Variants in CDC5L observed in about 807,000 individuals in gnomAD.
CDC5L encodes cell division cycle 5 like, also known as cell division cycle 5-like protein.
In CDC5L, 18 loss-of-function variants were observed where a neutral mutation model predicts 104.1. The ratio of observed to expected loss-of-function variants is 0.17; its 90% CI spans 0.12 to 0.26. The LOEUF is 0.26. Among genes scored for constraint, CDC5L ranks in the 10% least tolerant of loss-of-function variants. The pLI, the probability that CDC5L is intolerant of heterozygous loss-of-function variation, is 1.00. For missense variants in CDC5L, 673 were observed against 956.9 expected (o/e 0.70, Z 3.91); for synonymous variants, 331 against 322.7 (o/e 1.03, Z -0.28).
chr6:44,422,723 G>C lies in CDC5L; in HGVS notation c.1318G>C (p.Gly440Arg), dbSNP rs750389359. The change falls in exon 10 of 16, where the codon GGT (glycine) becomes CGT (arginine). Residue 440 changes from glycine to arginine, a missense_variant. Physicochemically the swap from Gly to Arg is moderately radical, Grantham distance 125. This residue lies in a region of CDC5L where 578 missense variants were observed against 737.0 expected (regional missense o/e 0.78). Coordinates refer to ENST00000371477, the MANE Select transcript of CDC5L (RefSeq NM_001253.4). The part of the protein sequence containing the change: ...TPKPVINSTP[G>R]RTPLRDKLNI... The stretch of plus-strand genomic sequence containing the variant: ...CAAACCAGTTATTAACTCTACTCCG[G>C]GTAGAACTCCTCTTCGAGACAAGTT... 1.2e-6 allele frequency: 2 copies of C among 1,612,478 alleles called. No individual in the cohort carries two copies. The highest frequency in any genetic ancestry group is 2.7e-5 in the African/African-American group (2 of 74,954).
chr6:44,426,045 A>G (rs1792402021), intron 11 of CDC5L, 58 bp from the exon 12 acceptor site: 1 of 1,170,624 alleles, frequency 8.5e-7, no homozygotes, highest in Non-Finnish European at 1.2e-6. Flanking sequence ...TTTTAGCTTT[A>G]CTGAGAGATA....
chr6:44,424,307 A>T, intron 10 of CDC5L, 112 bp from the exon 11 acceptor site: 1 of 875,126 alleles, frequency 1.1e-6, no homozygotes, highest in South Asian at 1.8e-5. Context: ...TAAAATGTAC[A>T]GTTATTTTGA....
Position 44,390,265 on chromosome 6 carries a change from T to A in CDC5L, c.46-3T>A, listed in dbSNP as rs761654057. ...GAATGTACTCTTTGGCAATTTTTTTTAGGATGAAATTCTGAAAGCAGCGGT... is the reference window on the plus strand; with the variant it reads ...GAATGTACTCTTTGGCAATTTTTTTAAGGATGAAATTCTGAAAGCAGCGGT... On this transcript the variant is annotated splice_polypyrimidine_tract_variant and splice_region_variant and intron_variant, in intron 1 of 15. Coordinates refer to ENST00000371477, the MANE Select transcript of CDC5L (RefSeq NM_001253.4). The A allele has an allele frequency of 9.3e-6, 15 of 1,606,318 alleles. No homozygotes were observed. The highest frequency in any genetic ancestry group is 1.6e-4 in the Middle Eastern group (1 of 6,068).
intron 8 of CDC5L, among the ~76,000 whole-genome samples, chr6:44,408,863 C>T (rs1240513764): frequency 1.3e-5 from 2 of 152,048 alleles, no homozygotes; most frequent in Non-Finnish European, 2.9e-5. Flanking sequence ...TGAAGCCAGC[C>T]CTTCTACCTT....
chr6:44,416,085 T>A (rs573422744), intron 8 of CDC5L, among the ~76,000 whole-genome samples: 1 of 152,204 alleles, frequency 6.6e-6, no homozygotes, highest in East Asian at 1.9e-4. Context: ...GGAGTTTTGC[T>A]TCTGTCTCTT....
At chr6:44,411,167 T>G (rs1791606281) in intron 8 of CDC5L, among the ~76,000 whole-genome samples, 1 of 152,138 alleles carries the variant, frequency 6.6e-6, no homozygotes, top group Non-Finnish European at 1.5e-5. Context: ...AAATGTCCGG[T>G]GCTCTTTGCC....
rs1431666781 is a variant in CDC5L, at chr6:44,449,728, CA to C, written c.*3018del. 3.3e-5 allele frequency: 5 copies of C among 152,202 alleles called. No homozygotes were observed. The highest frequency in any genetic ancestry group is 7.3e-5 in the Non-Finnish European group (5 of 68,036). The allele number at this position is 152,202 out of a possible 1,614,324, so 9.4% of individuals were successfully genotyped here. On this transcript the variant is annotated 3_prime_UTR_variant, in exon 16 of 16. Coordinates refer to ENST00000371477, the MANE Select transcript of CDC5L (RefSeq NM_001253.4). ...AAAAAACGACATCAAAGAAAAACTACACTACAGTGACTGCAGACTTAATGTT... is the reference window on the plus strand; with the variant it reads ...AAAAAACGACATCAAAGAAAAACTACCTACAGTGACTGCAGACTTAATGTT...
chr6:44,390,342 A>G lies in CDC5L; in HGVS notation c.120A>G (p.Arg40=), dbSNP rs781411018. ...QWSRIASLLH[R]KSAKQCKARW... ...CTAGGATTGCCTCATTGCTGCATAG[A>G]AAATCAGCAAAGCAGTGCAAAGCCA... The change falls in exon 2 of 16, where the codon AGA becomes AGG. Residue 40 remains arginine (R), a synonymous_variant. Coordinates refer to ENST00000371477, the MANE Select transcript of CDC5L (RefSeq NM_001253.4). 2.5e-5 allele frequency: 40 copies of G among 1,611,760 alleles called. No homozygotes were observed. Among genetic ancestry groups the G allele is most frequent in the Non-Finnish European group, 2.4e-5 (28 of 1,178,208 alleles).
chr6:44,387,894 C>T (rs1790401067), intron 1 of CDC5L, 26 bp downstream of exon 1: 2 of 1,550,348 alleles, frequency 1.3e-6, no homozygotes, highest in East Asian at 2.4e-5. Flanking sequence ...CCGCCGTCCG[C>T]TGCCCGCCGC....
chr6:44,403,780 T>C (rs1010032583), intron 5 of CDC5L, 29 bp from the exon 6 acceptor site: 1 of 1,510,752 alleles, frequency 6.6e-7, no homozygotes, highest in Non-Finnish European at 9.1e-7. Flanking sequence ...TGGCATATGA[T>C]TTTCAAAGTG....
chr6:44,403,820 C>G lies in CDC5L; in HGVS notation c.551C>G (p.Ala184Gly). 1 of 1,605,734 alleles carries G rather than the reference C, an allele frequency of 6.2e-7. No homozygotes were observed. The change falls in exon 6 of 16, where the codon GCC becomes GGC. Residue 184 changes from alanine to glycine, a missense_variant. By Grantham distance (60) the Ala-to-Gly change is moderately conservative. Around this residue, in one of 4 missense-constraint regions of CDC5L, gnomAD observed 578 missense variants for 737.0 expected, o/e 0.78. Coordinates refer to ENST00000371477, the MANE Select transcript of CDC5L (RefSeq NM_001253.4). ...TGCATTCTTTTCAGACGTCTTGCTG[C>G]CCTCCAAAAAAGAAGAGAACTTCGA... is the stretch of plus-strand genomic sequence containing the variant. Reference protein sequence around the residue: ...KQLEEARRLAALQKRRELRAA... With the variant: ...KQLEEARRLAGLQKRRELRAA...
intron 7 of CDC5L, among the ~76,000 whole-genome samples, chr6:44,407,380 A>G (rs1182824348): frequency 6.7e-6 from 1 of 149,754 alleles, no homozygotes; most frequent in Non-Finnish European, 1.5e-5. Flanking sequence ...AGGCTGGAGT[A>G]CCGTGGTGCC....
At chr6:44,419,428 C>G in intron 8 of CDC5L, 21 bp from the exon 9 acceptor site, 1 of 1,612,382 alleles carries the variant, frequency 6.2e-7, no homozygotes, top group Non-Finnish European at 8.5e-7. Context: ...AAACTTGCTT[C>G]TTTGTCTTCT....
At chr6:44,404,148 A>G (rs1791256851) in intron 6 of CDC5L, 121 bp downstream of exon 6, 1 of 655,402 alleles carries the variant, frequency 1.5e-6, no homozygotes. Flanking sequence ...ATTTTTTAAA[A>G]TCAATTTTTT....
intron 5 of CDC5L, among the ~76,000 whole-genome samples, chr6:44,398,555 T>G (rs1790977123): frequency 2.0e-5 from 3 of 152,230 alleles, no homozygotes; most frequent in Non-Finnish European, 4.4e-5. Flanking sequence ...GGCTATTTGC[T>G]TTTAAATGTT....
At chr6:44,435,211 A>G (rs1271863460) in intron 14 of CDC5L, among the ~76,000 whole-genome samples, 3 of 151,758 alleles carry the variant, frequency 2.0e-5, no homozygotes, top group Non-Finnish European at 4.4e-5. Context: ...ATTAAACACT[A>G]GTTATATTCC....
At chr6:44,435,680 G>A (rs1253296767) in intron 14 of CDC5L, 1 of 153,142 alleles carries the variant, frequency 6.5e-6, no homozygotes, top group Non-Finnish European at 1.5e-5. Flanking sequence ...CTGTGGCCTA[G>A]GGCAAGCCAC....
Position 44,406,484 on chromosome 6 carries a change from A to T in CDC5L, c.903+17A>T. 2 of 1,594,446 alleles carry T rather than the reference A, an allele frequency of 1.3e-6. No homozygotes were observed. Among genetic ancestry groups the T allele is most frequent in the Non-Finnish European group, 1.7e-6 (2 of 1,173,106 alleles). On this transcript the variant is annotated intron_variant, in intron 7 of 15. Transcript: ENST00000371477. The stretch of plus-strand genomic sequence containing the variant: ...GCCCCTCAGGTAATCTGATAAAAGC[A>T]AATTTTTCACTATGTGAATTTATAT...
intron 4 of CDC5L, among the ~76,000 whole-genome samples, chr6:44,395,790 G>C (rs1277510867): frequency 6.6e-6 from 1 of 152,144 alleles, no homozygotes; most frequent in Non-Finnish European, 1.5e-5. Flanking sequence ...GCCTTGCATA[G>C]GAATTGTTCT....
Sources: allele counts gnomAD v4.1 joint callset (sites outside exome capture counted in the v4.1 genomes callset), GRCh38; gene constraint gnomAD v4.1.1; regional missense constraint gnomAD v4.1.1; transcripts MANE v1.5; gene names NCBI Gene and HGNC (gene_info 2026-07-23, HGNC 2026-07-21).